Variants in CCDC80 observed in about 807,000 individuals in gnomAD.
CCDC80 encodes the protein coiled-coil domain-containing protein 80.
In CCDC80, 49 loss-of-function variants were observed where a neutral mutation model predicts 78.7. The observed-to-expected ratio is 0.62, with a 90% CI of 0.50 to 0.79. The LOEUF (loss-of-function observed/expected upper bound fraction) is 0.79. CCDC80 is among the 30% of genes least tolerant of loss of function. The pLI is 0.00. For missense variants in CCDC80, 1,205 were observed against 1,198.6 expected (o/e 1.01, Z -0.08); for synonymous variants, 488 against 447.0 (o/e 1.09, Z -1.16).
Position 112,638,992 on chromosome 3 carries a change from C to T in CCDC80, c.914G>A (p.Ser305Asn). The change falls in exon 2 of 8, where the codon AGC becomes AAC. Residue 305 changes from serine to asparagine, a missense_variant. Coordinates refer to ENST00000206423, the MANE Select transcript of CCDC80 (RefSeq NM_199511.3). ...NDGGGGAGRP[S>N]LGSEKKKEDP... ...CTCTTTCTTCTTCTCGCTGCCCAGG[C>T]TTGGCCTTCCTGCTCCCCCTCCACC... is the stretch of plus-strand genomic sequence containing the variant. The T allele has an allele frequency of 6.2e-7, 1 of 1,611,558 alleles. No homozygotes were observed. The highest frequency in any genetic ancestry group is 8.5e-7 in the Non-Finnish European group (1 of 1,180,004).
At position 112,616,726 on chromosome 3, in the gene CCDC80, C is replaced by G; in HGVS notation, c.2305G>C (p.Glu769Gln). 6.2e-7 allele frequency: 1 copy of G among 1,614,180 alleles called. No individual in the cohort carries two copies. Among genetic ancestry groups the G allele is most frequent in the African/African-American group, 1.3e-5 (1 of 75,060 alleles). Residue 769 changes from glutamate to glutamine, a missense_variant, in exon 5 of 8, where the codon GAG becomes CAG. By Grantham distance (29) the Glu-to-Gln change is conservative. Coordinates refer to ENST00000206423, the MANE Select transcript of CCDC80 (RefSeq NM_199511.3). The stretch of plus-strand genomic sequence containing the variant: ...GTGATGTACCTGGATAGGAAGTTCT[C>G]CAGGGACTGCTTTTTGTCCTCTTTG... ...VCKEDKKQSL[E>Q]NFLSRFRWRR...
intron 5 of CCDC80, among the ~76,000 whole-genome samples, chr3:112,614,865 A>G (rs1183129411): frequency 6.6e-6 from 1 of 152,228 alleles, no homozygotes; most frequent in Non-Finnish European, 1.5e-5. Context: ...GTGATGAGAG[A>G]AAGTTACTTA....
In CCDC80 at chr3:112,639,798, C is replaced by T; in HGVS notation, c.108G>A (p.Arg36=). ...HATIRGSHGG[R]KVPLVSPDSS... ...TGTCCGGAGAAACCAAAGGCACTTT[C>T]CGTCCTCCGTGGCTGCCTCTAATAG... The change falls in exon 2 of 8, where the codon CGG becomes CGA. Residue 36 remains arginine (R), a synonymous_variant. Transcript: ENST00000206423. 1 of 1,614,212 alleles carries T rather than the reference C, an allele frequency of 6.2e-7. No homozygotes were observed.
intron 1 of CCDC80, 64 bp from the exon 2 acceptor site, chr3:112,639,980 C>T: frequency 6.6e-7 from 1 of 1,517,540 alleles, no homozygotes; most frequent in Non-Finnish European, 8.8e-7. Flanking sequence ...AATTATTTAT[C>T]TGGAAACAGA....
intron 3 of CCDC80, among the ~76,000 whole-genome samples, chr3:112,621,582 C>T (rs1409064146): frequency 6.6e-6 from 1 of 152,170 alleles, no homozygotes; most frequent in Non-Finnish European, 1.5e-5. Context: ...CTTATTATGG[C>T]AATAGAAAAC....
rs771036367 is a variant in CCDC80, at chr3:112,605,452, G to A, written c.2818C>T (p.His940Tyr). 20 of 1,613,882 alleles carry A rather than the reference G, an allele frequency of 1.2e-5. No individual in the cohort carries two copies. Among genetic ancestry groups the A allele is most frequent in the Non-Finnish European group, 1.0e-5 (12 of 1,179,934 alleles). Residue 940 changes from histidine (H) to tyrosine (Y), a missense_variant, in exon 8 of 8, where the codon CAT (histidine) becomes TAT (tyrosine). Transcript: ENST00000206423. ...TATCCATGGTGATAACTCTCATGAT[G>A]ACGGTAGTCATCCTGGTAACCATCC... ...YQDGYQDDYR[H>Y]HESYHHGYPY
Position 112,605,390 on chromosome 3 carries a change from G to A in CCDC80, c.*27C>T, listed in dbSNP as rs1317238791. 6.6e-7 allele frequency: 1 copy of A among 1,523,102 alleles called. No homozygotes were observed. The allele number at this position is 1,523,102 out of a possible 1,614,324, so 94.3% of individuals were successfully genotyped here. On this transcript the variant is annotated 3_prime_UTR_variant, in exon 8 of 8. Transcript: ENST00000206423. ...GTTTTAGCAGCTGCAGAGGAAACTG[G>A]CTGAGTCTAAGGTTACATATTTCTG...
rs546201481 is a variant in CCDC80 at position 112,629,361 on chromosome 3, A to G, written c.2035+752T>C. ...TAAGAAAAAAAGCTTTTTAAAAAAT[A>G]AAGCCCTAGAGATGCAATAATTATG... is the stretch of plus-strand genomic sequence containing the variant. On this transcript the variant is annotated intron_variant, in intron 3 of 7. Coordinates refer to ENST00000206423, the MANE Select transcript of CCDC80 (RefSeq NM_199511.3). 1.8e-4 allele frequency among the ~76,000 whole-genome samples: 28 copies of G among 152,254 alleles called. No homozygotes were observed. The South Asian group carries it at 5.2e-3, about 28-fold the overall frequency.
intron 3 of CCDC80, among the ~76,000 whole-genome samples, chr3:112,620,077 G>A (rs1935832093): frequency 6.6e-6 from 1 of 152,150 alleles, no homozygotes. Context: ...ACTACCCAGT[G>A]ACTAACACTG....
At position 112,605,575 on chromosome 3, in the gene CCDC80, G is replaced by C. The variant is rs774845090; in HGVS notation, c.2695C>G (p.Arg899Gly). 2 of 1,614,062 alleles carry C rather than the reference G, an allele frequency of 1.2e-6. No individual in the cohort carries two copies. The highest frequency in any genetic ancestry group is 1.7e-6 in the Non-Finnish European group (2 of 1,180,046). ...TGCTGAATCGCCATTTCCTGTCTCC[G>C]AAGTTGCATCGAATCAATTAAATCG... ...VYDLIDSMQL[R>G]RQEMAIQQSL... Residue 899 changes from arginine (R) to glycine (G), a missense_variant, in exon 8 of 8, where the codon CGG becomes GGG. Physicochemically the swap from Arg to Gly is moderately radical, Grantham distance 125 (BLOSUM62 -2). Coordinates refer to ENST00000206423, the MANE Select transcript of CCDC80 (RefSeq NM_199511.3).
chr3:112,627,623 T>C (rs921954079), intron 3 of CCDC80, among the ~76,000 whole-genome samples: 13 of 152,332 alleles, frequency 8.5e-5, no homozygotes, highest in Non-Finnish European at 1.5e-5. Context: ...GGCTGGAGTT[T>C]TTTGGTTCAC....
At chr3:112,610,451 G>T (rs1935601580) in intron 5 of CCDC80, among the ~76,000 whole-genome samples, 1 of 152,204 alleles carries the variant, frequency 6.6e-6, no homozygotes, top group African/African-American at 2.4e-5. Flanking sequence ...CAACTGAAGA[G>T]AACTCGTCTT....
intron 3 of CCDC80, among the ~76,000 whole-genome samples, chr3:112,623,132 T>C (rs1269041505): frequency 6.6e-6 from 1 of 152,210 alleles, no homozygotes; most frequent in Non-Finnish European, 1.5e-5. Context: ...TATGTGCTGA[T>C]AAGGTCTGGC....
rs1423010799 is a variant in CCDC80 at position 112,600,874 on chromosome 3, A to G, written c.*4543T>C. 6.6e-6 allele frequency: 1 copy of G among 152,148 alleles called. No homozygotes were observed. The highest frequency in any genetic ancestry group is 6.5e-5 in the Admixed American group (1 of 15,268). 9.4% of individuals were successfully genotyped at this position (152,148 alleles called of 1,614,324 possible). ...CTTTACTTAGAAATTGTCATCACAC[A>G]ATTTCAGAAAGGTAAAGAAATCCAT... On this transcript the variant is annotated 3_prime_UTR_variant, in exon 8 of 8. Coordinates refer to ENST00000206423, the MANE Select transcript of CCDC80 (RefSeq NM_199511.3).
intron 3 of CCDC80, among the ~76,000 whole-genome samples, chr3:112,627,533 C>G (rs1226351802): frequency 1.3e-5 from 2 of 152,182 alleles, no homozygotes; most frequent in African/African-American, 4.8e-5. Context: ...CAGTAAAAGT[C>G]TGGAATAGTA....
intron 3 of CCDC80, among the ~76,000 whole-genome samples, chr3:112,620,794 T>A (rs867959804): frequency 6.6e-6 from 1 of 152,250 alleles, no homozygotes; most frequent in African/African-American, 2.4e-5. Context: ...ATTCTAAGAC[T>A]TTACAAACCA....
rs1936261104 is a variant in CCDC80, at chr3:112,638,507, G to A, written c.1399C>T (p.Arg467Cys). ...TGGCCATGTTCCCGCCTGTCCATGC[G>A]GTTGTCCCGGAAACGGCCTGGGCCA... ...AAGPGRFRDN[R>C]MDRREHGHRD... Residue 467 changes from arginine (R) to cysteine (C), a missense_variant, in exon 2 of 8, where the codon CGC becomes TGC. Coordinates refer to ENST00000206423, the MANE Select transcript of CCDC80 (RefSeq NM_199511.3). The A allele has an allele frequency of 3.7e-6, 6 of 1,613,904 alleles. No individual in the cohort carries two copies. Among genetic ancestry groups the A allele is most frequent in the African/African-American group, 1.3e-5 (1 of 74,872 alleles).
At chr3:112,624,072 C>T (rs1264948834) in intron 3 of CCDC80, among the ~76,000 whole-genome samples, 1 of 152,046 alleles carries the variant, frequency 6.6e-6, no homozygotes, top group African/African-American at 2.4e-5. Context: ...AGAACTCTCC[C>T]ATAAGAAAGA....
chr3:112,624,942 G>A (rs1032676477), intron 3 of CCDC80, among the ~76,000 whole-genome samples: 1 of 152,002 alleles, frequency 6.6e-6, no homozygotes, highest in African/African-American at 2.4e-5. Flanking sequence ...AGAATCACCT[G>A]AGCAACATTT....
Sources: gnomAD v4.1 joint callset for allele counts (sites outside exome capture counted in the v4.1 genomes callset) on GRCh38, gnomAD v4.1.1 for gene constraint, MANE v1.5 for transcripts, NCBI Gene and HGNC (gene_info 2026-07-23, HGNC 2026-07-21) for gene names.